The following LNPK variants were observed in gnomAD, a reference collection of about 807,000 sequenced individuals.
The protein encoded by LNPK is lunapark, ER junction formation factor.
A neutral mutation model predicts 55.2 loss-of-function variants in LNPK; 29 were observed. That is an observed-to-expected ratio of 0.53 (90% CI 0.39 to 0.72). The LOEUF (loss-of-function observed/expected upper bound fraction) is 0.72, where lower values mean the gene tolerates loss of function less well. Ranked by LOEUF, LNPK falls within the 30% of genes least tolerant of loss-of-function variation. LNPK has a pLI of 0.00. For synonymous variants in LNPK, 162 were observed against 168.2 expected, an observed-to-expected ratio of 0.96 and a Z score of 0.29; for missense variants, 467 against 494.8, an observed-to-expected ratio of 0.94 and a Z score of 0.53.
intron 4 of LNPK, among the ~76,000 whole-genome samples, chr2:175,986,399 A>C (rs1368514715): frequency 2.0e-5 from 3 of 152,060 alleles, no homozygotes; most frequent in African/African-American, 7.2e-5. Flanking sequence ...TAAATAACTG[A>C]TAGATTATAA....
At chr2:175,999,290 A>C (rs931086461) in intron 1 of LNPK, among the ~76,000 whole-genome samples, 2 of 152,214 alleles carry the variant, frequency 1.3e-5, no homozygotes, top group Non-Finnish European at 2.9e-5. Flanking sequence ...CTTTCCACCC[A>C]AACATATTAA....
intron 6 of LNPK, among the ~76,000 whole-genome samples, chr2:175,964,878 A>G (rs539121037): frequency 6.6e-6 from 1 of 152,304 alleles, no homozygotes; most frequent in East Asian, 1.9e-4. Context: ...GCAAAAATCT[A>G]TCAGCCATCA....
At chr2:175,994,677 G>A (rs569205071) in intron 2 of LNPK, among the ~76,000 whole-genome samples, 57 of 151,838 alleles carry the variant, frequency 3.8e-4, no homozygotes, top group Non-Finnish European at 6.5e-4. Flanking sequence ...CCACCACCAT[G>A]CCCAGCTAAT....
Position 175,983,804 on chromosome 2 carries a change from TA to T in LNPK, c.258-3937del, listed in dbSNP as rs1207640628. 8.0e-3 allele frequency among the ~76,000 whole-genome samples: 1,166 copies of T among 145,718 alleles called. 11 individuals carry two copies. The highest frequency in any genetic ancestry group is 0.026 in the African/African-American group (1,029 of 40,030). On this transcript the variant is annotated intron_variant, in intron 4 of 12. Coordinates refer to ENST00000272748, the MANE Select transcript of LNPK (RefSeq NM_030650.3). ...CTAAAAGAAAGTCACATTATAAAGTTAAAAAAAAAAATGTGATTCCTTTCCA... is the reference window on the plus strand; with the variant it reads ...CTAAAAGAAAGTCACATTATAAAGTTAAAAAAAAAATGTGATTCCTTTCCA...
chr2:175,943,401 C>T (rs1037165343), intron 9 of LNPK, among the ~76,000 whole-genome samples: 3 of 151,580 alleles, frequency 2.0e-5, no homozygotes, highest in African/African-American at 4.8e-5. Context: ...GAAATGAAAC[C>T]GACATAACTC....
At position 175,928,612 on chromosome 2, in the gene LNPK, G is replaced by A. The variant is rs1004311028; in HGVS notation, c.*1355C>T. 1 of 151,372 alleles carries A rather than the reference G, an allele frequency of 6.6e-6. No individual in the cohort carries two copies. The highest frequency in any genetic ancestry group is 2.4e-5 in the African/African-American group (1 of 41,142). 9.4% of individuals were successfully genotyped at this position (151,372 alleles called of 1,614,324 possible). A position where few individuals can be genotyped will look rare whatever the true frequency, so the allele number is the denominator to read the frequency against. ...TTGTTCAGTTGTTAATAAACTGTGT[G>A]CAACTTAGAAACATTAGCCAAACAC... On this transcript the variant is annotated 3_prime_UTR_variant, in exon 13 of 13. Coordinates refer to ENST00000272748, the MANE Select transcript of LNPK (RefSeq NM_030650.3).
chr2:175,951,416 T>A (rs1230047726), intron 8 of LNPK, among the ~76,000 whole-genome samples: 1 of 151,780 alleles, frequency 6.6e-6, no homozygotes, highest in Non-Finnish European at 1.5e-5. Flanking sequence ...GTCATTCTTA[T>A]GCCTTTGCAC....
chr2:175,931,214 C>A (rs1402388239), intron 12 of LNPK, among the ~76,000 whole-genome samples: 1 of 152,164 alleles, frequency 6.6e-6, no homozygotes, highest in Non-Finnish European at 1.5e-5. Context: ...TTTTTCCACT[C>A]TCATAGATGA....
At chr2:175,957,448 T>C (rs932744864) in intron 8 of LNPK, among the ~76,000 whole-genome samples, 2 of 151,840 alleles carry the variant, frequency 1.3e-5, no homozygotes, top group African/African-American at 4.8e-5. Flanking sequence ...AGATGAGCTA[T>C]CACACACTTG....
At chr2:175,933,921 C>T (rs1684411347) in intron 12 of LNPK, among the ~76,000 whole-genome samples, 1 of 152,000 alleles carries the variant, frequency 6.6e-6, no homozygotes, top group African/African-American at 2.4e-5. Context: ...TCAGTAGAGA[C>T]GAGGTCTCAC....
intron 9 of LNPK, among the ~76,000 whole-genome samples, chr2:175,945,711 C>T (rs944613351): frequency 6.6e-6 from 1 of 152,088 alleles, no homozygotes; most frequent in Non-Finnish European, 1.5e-5. Context: ...TATTTTACTT[C>T]TACATATTTA....
At chr2:175,991,033 A>T (rs959789786) in intron 4 of LNPK, among the ~76,000 whole-genome samples, 2 of 152,222 alleles carry the variant, frequency 1.3e-5, no homozygotes, top group African/African-American at 4.8e-5. Context: ...AACTGTTATG[A>T]ATCATAATAG....
intron 1 of LNPK, among the ~76,000 whole-genome samples, chr2:176,000,127 A>G (rs960055552): frequency 3.3e-5 from 5 of 152,190 alleles, no homozygotes; most frequent in Non-Finnish European, 5.9e-5. Flanking sequence ...ACTAATGGCT[A>G]TTTACACTCA....
intron 8 of LNPK, among the ~76,000 whole-genome samples, chr2:175,951,609 A>ATATC (rs569266770): frequency 7.3e-6 from 1 of 137,264 alleles, no homozygotes; most frequent in African/African-American, 2.7e-5. Context: ...ATATATATAT[A>ATATC]TCTCAGTTTC....
chr2:175,959,397 C>A (rs138647534), intron 8 of LNPK, among the ~76,000 whole-genome samples: 4 of 152,216 alleles, frequency 2.6e-5, no homozygotes, highest in Admixed American at 2.6e-4. Flanking sequence ...CAGAAGAGAG[C>A]GGGGGTCAAT....
intron 8 of LNPK, among the ~76,000 whole-genome samples, chr2:175,962,435 C>G (rs1364702006): frequency 6.6e-6 from 1 of 152,054 alleles, no homozygotes; most frequent in Non-Finnish European, 1.5e-5. Context: ...ACAAACCTGA[C>G]AAAAACAAGA....
chr2:175,991,327 A>G (rs892553576), intron 4 of LNPK, among the ~76,000 whole-genome samples: 2 of 152,200 alleles, frequency 1.3e-5, no homozygotes, highest in Non-Finnish European at 2.9e-5. Flanking sequence ...GGATAAAAGC[A>G]TTCCAAAAGA....
In LNPK at chr2:176,002,215, C is replaced by T. The variant is rs1375962776; in HGVS notation, c.-118G>A. ...CGTCCACCCCCGCCAGTCTCGGCCG[C>T]CACCGCCCAGCCTGCCTCCAGAGCA... On this transcript the variant is annotated 5_prime_UTR_variant, in exon 1 of 13. Transcript: ENST00000272748. The T allele has an allele frequency of 2.2e-6, 1 of 451,550 alleles. No homozygotes were observed. Among genetic ancestry groups the T allele is most frequent in the South Asian group, 1.6e-5 (1 of 63,994 alleles). The allele number at this position is 451,550 out of a possible 1,614,324, so 28.0% of individuals were successfully genotyped here.
chr2:175,992,751 G>A (rs1398011652), intron 3 of LNPK, among the ~76,000 whole-genome samples: 1 of 151,594 alleles, frequency 6.6e-6, no homozygotes, highest in African/African-American at 2.4e-5. Flanking sequence ...TCCTATAAAA[G>A]GCATTTAAAA....
Sources: allele counts gnomAD v4.1 joint callset (sites outside exome capture counted in the v4.1 genomes callset), GRCh38; gene constraint gnomAD v4.1.1; transcripts MANE v1.5; gene names NCBI Gene and HGNC (gene_info 2026-07-23, HGNC 2026-07-21).